Variants in VPS8 observed in about 807,000 individuals in gnomAD.
The protein encoded by VPS8 is vacuolar protein sorting-associated protein 8 homolog.
In VPS8, 129 loss-of-function variants were observed where a neutral mutation model predicts 216.4. That is an observed-to-expected ratio of 0.60 (90% CI 0.52 to 0.69). The LOEUF is 0.69. Ranked by LOEUF, VPS8 falls within the 30% of genes least tolerant of loss-of-function variation. The pLI, the probability that VPS8 is intolerant of heterozygous loss-of-function variation, is 0.00. For missense variants in VPS8, 1,531 were observed against 1,683.5 expected (o/e 0.91, Z 1.59); for synonymous variants, 571 against 565.4 (o/e 1.01, Z -0.14).
At chr3:184,916,946 A>T (rs1393755667) in intron 28 of VPS8, among the ~76,000 whole-genome samples, 1 of 152,230 alleles carries the variant, frequency 6.6e-6, no homozygotes, top group Non-Finnish European at 1.5e-5. Context: ...AGTGCATGGT[A>T]TATCCCATGT....
At chr3:184,863,399 T>G (rs1040842334) in intron 16 of VPS8, among the ~76,000 whole-genome samples, 1 of 152,186 alleles carries the variant, frequency 6.6e-6, no homozygotes, top group Non-Finnish European at 1.5e-5. Context: ...GAAAGCTTAA[T>G]TTGGCAGTAA....
chr3:184,913,458 A>G, intron 25 of VPS8, 61 bp from the exon 26 acceptor site: 1 of 1,414,802 alleles, frequency 7.1e-7, no homozygotes, highest in Non-Finnish European at 9.7e-7. Flanking sequence ...CTACATAAAG[A>G]TTATTTTTCT....
Position 184,824,571 on chromosome 3 carries a change from T to C in VPS8, c.-62T>C. 6.5e-7 allele frequency: 1 copy of C among 1,542,786 alleles called. No homozygotes were observed. On this transcript the variant is annotated 5_prime_UTR_variant, in exon 2 of 48. It removes the in-frame stop codon of an upstream open reading frame in the 5' UTR. Transcript: ENST00000625842. ...GATAATCATTCAGGTCTTCGTGAGC[T>C]AAGGCCAAACAAACAAAAAACACTT...
At chr3:184,867,996 T>A in intron 17 of VPS8, 28 bp from the exon 18 acceptor site, 1 of 1,612,152 alleles carries the variant, frequency 6.2e-7, no homozygotes, top group Admixed American at 1.7e-5. Context: ...AGGGTGATCA[T>A]TTTAATTTCC....
intron 46 of VPS8, among the ~76,000 whole-genome samples, chr3:185,047,263 C>A (rs908457175): frequency 6.6e-6 from 1 of 152,242 alleles, no homozygotes; most frequent in Non-Finnish European, 1.5e-5. Flanking sequence ...TGAGAACTTG[C>A]AGAGTCCCGT....
At chr3:184,846,017 A>C (rs1025079266) in intron 8 of VPS8, among the ~76,000 whole-genome samples, 1 of 152,174 alleles carries the variant, frequency 6.6e-6, no homozygotes, top group Non-Finnish European at 1.5e-5. Context: ...CAGTGAGATA[A>C]TGGGCATTTT....
chr3:184,882,345 T>G (rs1266280043), intron 21 of VPS8: 1 of 451,258 alleles, frequency 2.2e-6, no homozygotes, highest in Non-Finnish European at 4.4e-6. Flanking sequence ...TTTTTTTTCT[T>G]TAGGCTATTG....
chr3:185,023,700 A>G (rs549358198), intron 45 of VPS8, among the ~76,000 whole-genome samples: 4 of 152,242 alleles, frequency 2.6e-5, no homozygotes, highest in African/African-American at 9.6e-5. Flanking sequence ...TAGTGCTATC[A>G]TGGCATATTG....
At chr3:184,886,375 G>C (rs1233495052) in intron 22 of VPS8, among the ~76,000 whole-genome samples, 1 of 151,914 alleles carries the variant, frequency 6.6e-6, no homozygotes, top group Non-Finnish European at 1.5e-5. Flanking sequence ...TGTGTGGCAG[G>C]ATATTGGAGA....
intron 8 of VPS8, among the ~76,000 whole-genome samples, chr3:184,844,897 G>A (rs752071210): frequency 1.6e-4 from 24 of 152,126 alleles, no homozygotes; most frequent in Non-Finnish European, 2.9e-4. Context: ...GCCATTTGGT[G>A]ATTTTCTAAT....
chr3:184,959,645 C>G (rs1280967339), intron 37 of VPS8, among the ~76,000 whole-genome samples: 2 of 151,996 alleles, frequency 1.3e-5, no homozygotes, highest in East Asian at 3.9e-4. Flanking sequence ...TGTAATTATT[C>G]TTATTTTTCT....
At chr3:184,864,620 C>CT (rs1176480288) in intron 16 of VPS8, among the ~76,000 whole-genome samples, 1 of 152,166 alleles carries the variant, frequency 6.6e-6, no homozygotes, top group Non-Finnish European at 1.5e-5. Context: ...GGGTAGAGTA[C>CT]TTAGAGGCAT....
chr3:185,032,323 G>A (rs1055394721), intron 46 of VPS8, among the ~76,000 whole-genome samples: 1 of 152,206 alleles, frequency 6.6e-6, no homozygotes, highest in African/African-American at 2.4e-5. Flanking sequence ...CAATAGAGGT[G>A]AGAGGGCTAT....
At chr3:184,966,973 C>CTTT (rs11382420) in intron 39 of VPS8, among the ~76,000 whole-genome samples, 6 of 146,106 alleles carry the variant, frequency 4.1e-5, no homozygotes, top group South Asian at 4.3e-4. Context: ...TGTTGGTTAT[C>CTTT]TTTTTTTTTT....
chr3:185,040,231 T>C (rs975579376), intron 46 of VPS8, among the ~76,000 whole-genome samples: 2 of 152,154 alleles, frequency 1.3e-5, no homozygotes, highest in African/African-American at 4.8e-5. Flanking sequence ...ACATCCACAC[T>C]ATAGCAGAGC....
At chr3:184,905,602 A>G (rs1735348976) in intron 25 of VPS8, among the ~76,000 whole-genome samples, 1 of 143,546 alleles carries the variant, frequency 7.0e-6, no homozygotes, top group Admixed American at 7.0e-5. Flanking sequence ...GAAGCTCTTT[A>G]GGTAGAAGCT....
At chr3:184,964,911 G>A (rs1577003366) in intron 38 of VPS8, among the ~76,000 whole-genome samples, 1 of 152,278 alleles carries the variant, frequency 6.6e-6, no homozygotes. Context: ...GTGTACAAAC[G>A]CCTTTGAGTT....
chr3:185,028,733 A>G (rs1336995597), intron 46 of VPS8, among the ~76,000 whole-genome samples: 1 of 152,226 alleles, frequency 6.6e-6, no homozygotes, highest in Non-Finnish European at 1.5e-5. Context: ...AGCGCTCTGA[A>G]TTAGTCCCTA....
At chr3:184,977,327 G>A (rs993249314) in intron 40 of VPS8, among the ~76,000 whole-genome samples, 3 of 151,920 alleles carry the variant, frequency 2.0e-5, no homozygotes, top group Admixed American at 6.6e-5. Flanking sequence ...GCTTGTTGAT[G>A]TAAGTTCCTT....
Sources: allele counts gnomAD v4.1 joint callset (sites outside exome capture counted in the v4.1 genomes callset), GRCh38; gene constraint gnomAD v4.1.1; transcripts MANE v1.5; gene names NCBI Gene and HGNC (gene_info 2026-07-23, HGNC 2026-07-21).